The following MACROD2 variants were observed in gnomAD, a reference collection of about 807,000 sequenced individuals.
MACROD2 encodes mono-ADP ribosylhydrolase 2.
MACROD2 carries 36 observed loss-of-function variants against 70.4 expected under a neutral mutation model. The ratio of observed to expected loss-of-function variants is 0.51; its 90% confidence interval spans 0.39 to 0.68. MACROD2 has a LOEUF of 0.68. MACROD2 is among the 30% of genes least tolerant of loss of function. The probability of loss-of-function intolerance (pLI) is 0.00; values close to 1 mark genes in which losing one functional copy is unlikely to be tolerated. For synonymous variants in MACROD2, 172 were observed against 178.8 expected (o/e 0.96, Z 0.30); for missense variants, 496 against 538.4 (o/e 0.92, Z 0.78).
intron 13 of MACROD2, among the ~76,000 whole-genome samples, chr20:15,983,186 A>G (rs1053838370): frequency 2.0e-5 from 3 of 152,218 alleles, no homozygotes. Flanking sequence ...TCCTGTAACT[A>G]TTTGATTTCA....
intron 5 of MACROD2, among the ~76,000 whole-genome samples, chr20:14,889,381 C>T (rs1182547615): frequency 6.6e-6 from 1 of 151,846 alleles, no homozygotes; most frequent in Non-Finnish European, 1.5e-5. Context: ...ATTAAAATTA[C>T]ATAGAATGCT....
chr20:15,497,946 A>G (rs2146487873), intron 7 of MACROD2, among the ~76,000 whole-genome samples: 1 of 152,330 alleles, frequency 6.6e-6, no homozygotes, highest in Non-Finnish European at 1.5e-5. Context: ...GTTCAGTAAT[A>G]CTTTTTAAAT....
intron 3 of MACROD2, among the ~76,000 whole-genome samples, chr20:14,464,556 T>G (rs553946324): frequency 4.1e-4 from 63 of 152,222 alleles, no homozygotes; most frequent in Non-Finnish European, 7.4e-4. Flanking sequence ...CCGATCTTAG[T>G]TATTTCTTGC....
intron 5 of MACROD2, among the ~76,000 whole-genome samples, chr20:14,898,736 C>T (rs1396498640): frequency 6.6e-6 from 1 of 152,128 alleles, no homozygotes; most frequent in Non-Finnish European, 1.5e-5. Flanking sequence ...CATCTTTGTA[C>T]CATTCTCCAG....
chr20:15,042,047 T>C (rs1043420126), intron 5 of MACROD2, among the ~76,000 whole-genome samples: 2 of 152,128 alleles, frequency 1.3e-5, no homozygotes, highest in Non-Finnish European at 2.9e-5. Context: ...TCAAAGAAGT[T>C]TGGAGCCCCA....
At chr20:15,519,032 A>C (rs1169397335) in intron 8 of MACROD2, among the ~76,000 whole-genome samples, 1 of 151,936 alleles carries the variant, frequency 6.6e-6, no homozygotes. Context: ...GGACACTATG[A>C]AGTAGGAACT....
chr20:14,102,734 G>T (rs1221336180), intron 3 of MACROD2, among the ~76,000 whole-genome samples: 1 of 152,166 alleles, frequency 6.6e-6, no homozygotes, highest in African/African-American at 2.4e-5. Flanking sequence ...TGATGGATGG[G>T]AATATATGAT....
At chr20:14,359,528 G>A (rs1460135386) in intron 3 of MACROD2, among the ~76,000 whole-genome samples, 1 of 152,208 alleles carries the variant, frequency 6.6e-6, no homozygotes, top group Non-Finnish European at 1.5e-5. Flanking sequence ...CATAGTCATT[G>A]TTCATAATAG....
chr20:14,266,522 G>A (rs879653570), intron 3 of MACROD2, among the ~76,000 whole-genome samples: 7 of 152,044 alleles, frequency 4.6e-5, no homozygotes, highest in Admixed American at 4.6e-4. Context: ...AGGTTTTTAT[G>A]TCTGGGCATA....
chr20:15,223,718 C>CAAGTA (rs1218630271), intron 5 of MACROD2, among the ~76,000 whole-genome samples: 6 of 152,150 alleles, frequency 3.9e-5, no homozygotes, highest in Non-Finnish European at 8.8e-5. Context: ...TTGGGGCTCA[C>CAAGTA]CAAAATAAAG....
At chr20:14,213,763 A>C (rs1212513502) in intron 3 of MACROD2, among the ~76,000 whole-genome samples, 1 of 152,166 alleles carries the variant, frequency 6.6e-6, no homozygotes, top group East Asian at 1.9e-4. Flanking sequence ...TTTAAAATTA[A>C]TTGAATCTGT....
intron 3 of MACROD2, among the ~76,000 whole-genome samples, chr20:14,458,070 C>T (rs2084324320): frequency 6.6e-6 from 1 of 151,270 alleles, no homozygotes; most frequent in African/African-American, 2.4e-5. Context: ...CATTGCACTC[C>T]AGCCTACATG....
At chr20:14,369,237 G>A (rs1457965848) in intron 3 of MACROD2, among the ~76,000 whole-genome samples, 1 of 152,200 alleles carries the variant, frequency 6.6e-6, no homozygotes, top group Non-Finnish European at 1.5e-5. Context: ...GAGAAACAAA[G>A]TAAGGTGCTT....
intron 8 of MACROD2, among the ~76,000 whole-genome samples, chr20:15,604,959 C>A (rs377597933): frequency 4.6e-5 from 7 of 152,150 alleles, no homozygotes; most frequent in African/African-American, 1.7e-4. Context: ...CCAAATCTGG[C>A]CTTTTGGAAA....
intron 8 of MACROD2, among the ~76,000 whole-genome samples, chr20:15,543,036 G>A (rs2047978927): frequency 6.6e-6 from 1 of 152,172 alleles, no homozygotes; most frequent in African/African-American, 2.4e-5. Flanking sequence ...TGATAAAAAG[G>A]GCCATGCAAA....
At chr20:15,808,502 TTTA>T (rs1183400568) in intron 8 of MACROD2, among the ~76,000 whole-genome samples, 3 of 152,224 alleles carry the variant, frequency 2.0e-5, no homozygotes, top group African/African-American at 7.2e-5. Flanking sequence ...TAAGAAGGTA[TTTA>T]TTTTCTTATA....
At chr20:14,498,890 T>C (rs1467267218) in intron 4 of MACROD2, among the ~76,000 whole-genome samples, 1 of 152,234 alleles carries the variant, frequency 6.6e-6, no homozygotes, top group Non-Finnish European at 1.5e-5. Context: ...GCAGTGATTC[T>C]GTTTCGCTCT....
At chr20:15,029,772 T>C (rs940758565) in intron 5 of MACROD2, among the ~76,000 whole-genome samples, 3 of 152,212 alleles carry the variant, frequency 2.0e-5, no homozygotes, top group Non-Finnish European at 4.4e-5. Flanking sequence ...TTTGAATCCT[T>C]AGCCCCTTAC....
chr20:15,682,068 T>G (rs1033694541), intron 8 of MACROD2, among the ~76,000 whole-genome samples: 7 of 152,208 alleles, frequency 4.6e-5, no homozygotes, highest in African/African-American at 1.7e-4. Context: ...TTGTCAATCC[T>G]GTGAGAATAT....
Sources: gnomAD v4.1 joint callset for allele counts (sites outside exome capture counted in the v4.1 genomes callset) on GRCh38, gnomAD v4.1.1 for gene constraint, MANE v1.5 for transcripts, NCBI Gene and HGNC (gene_info 2026-07-23, HGNC 2026-07-21) for gene names.